Variants in PRKACB observed in about 807,000 individuals in gnomAD.
PRKACB encodes protein kinase cAMP-activated catalytic subunit beta, also known as cAMP-dependent protein kinase catalytic subunit beta.
In PRKACB, 16 loss-of-function variants were observed where a neutral mutation model predicts 51.4. The ratio of observed to expected loss-of-function variants is 0.31; its 90% CI spans 0.21 to 0.47. The LOEUF is 0.47. Ranked by LOEUF, PRKACB falls within the 20% of genes least tolerant of loss-of-function variation. PRKACB has a pLI of 1.00. For synonymous variants in PRKACB, 147 were observed against 154.4 expected, an observed-to-expected ratio of 0.95 and a Z score of 0.35; for missense variants, 309 against 464.5, an observed-to-expected ratio of 0.67 and a Z score of 3.08.
At chr1:84,205,086 A>G (rs578251632) in intron 8 of PRKACB, 119 of 981,952 alleles carry the variant, frequency 1.2e-4, no homozygotes, top group Admixed American at 2.5e-4. Flanking sequence ...TAGAAATATG[A>G]CAGGATATTT....
intron 1 of PRKACB, chr1:84,175,762 G>A: frequency 6.5e-7 from 1 of 1,544,812 alleles, no homozygotes; most frequent in Admixed American, 2.1e-5. Context: ...GAATGTGGGT[G>A]AATGTTCCTG....
At chr1:84,176,604 G>GA (rs66916276) in intron 1 of PRKACB, among the ~76,000 whole-genome samples, 6 of 150,990 alleles carry the variant, frequency 4.0e-5, no homozygotes, top group African/African-American at 7.3e-5. Flanking sequence ...ATTTTTATAT[G>GA]AAAAAAAATG....
intron 1 of PRKACB, among the ~76,000 whole-genome samples, chr1:84,163,357 T>A (rs1656498975): frequency 6.6e-6 from 1 of 152,098 alleles, no homozygotes; most frequent in Non-Finnish European, 1.5e-5. Flanking sequence ...TACCCCATGC[T>A]ATGTTTCTTG....
intron 9 of PRKACB, among the ~76,000 whole-genome samples, chr1:84,214,676 G>A (rs1005755555): frequency 2.6e-5 from 4 of 151,836 alleles, no homozygotes; most frequent in Non-Finnish European, 4.4e-5. Context: ...TGTATTTTTA[G>A]TAGAGACAGG....
At chr1:84,229,134 A>C (rs1284188044) in intron 9 of PRKACB, among the ~76,000 whole-genome samples, 2 of 139,386 alleles carry the variant, frequency 1.4e-5, no homozygotes, top group African/African-American at 2.8e-5. Flanking sequence ...TCCTGTGTCC[A>C]TGTGTTCTCA....
chr1:84,147,119 G>A (rs1232014141), intron 1 of PRKACB, among the ~76,000 whole-genome samples: 1 of 151,992 alleles, frequency 6.6e-6, no homozygotes, highest in Non-Finnish European at 1.5e-5. Flanking sequence ...TCTAACTACA[G>A]TATTTTAAGA....
chr1:84,103,137 A>G (rs534192311), intron 1 of PRKACB, among the ~76,000 whole-genome samples: 1 of 152,188 alleles, frequency 6.6e-6, no homozygotes, highest in Non-Finnish European at 1.5e-5. Context: ...AGTAAAGTAT[A>G]TTTTGAAAAT....
At chr1:84,165,152 A>AAT in intron 1 of PRKACB, 1 of 631,468 alleles carries the variant, frequency 1.6e-6, no homozygotes, top group Non-Finnish European at 2.5e-6. Flanking sequence ...GTACTTAGGC[A>AAT]TTATAGTAAA....
Position 84,235,267 on chromosome 1 carries a change from A to C in PRKACB, c.1159A>C (p.Ile387Leu). The C allele has an allele frequency of 6.2e-7, 1 of 1,614,168 alleles. No individual in the cohort carries two copies. Among genetic ancestry groups the C allele is most frequent in the Non-Finnish European group, 8.5e-7 (1 of 1,179,996 alleles). ...DYEEEDIRVS[I>L]TEKCAKEFGE... ...TGAAGAAGAAGATATCCGTGTCTCT[A>C]TAACAGAAAAATGTGCAAAAGAATT... Residue 387 changes from isoleucine (I) to leucine (L), a missense_variant, in exon 10 of 10, where the codon ATA becomes CTA. Coordinates refer to ENST00000370685, the MANE Select transcript of PRKACB (RefSeq NM_182948.4).
At chr1:84,118,761 T>G (rs1321400572) in intron 1 of PRKACB, among the ~76,000 whole-genome samples, 1 of 152,080 alleles carries the variant, frequency 6.6e-6, no homozygotes, top group African/African-American at 2.4e-5. Flanking sequence ...CAGAGGGGAC[T>G]TAAGGATCAC....
At chr1:84,214,393 C>A in intron 9 of PRKACB, 76 bp downstream of exon 9, 1 of 1,317,712 alleles carries the variant, frequency 7.6e-7, no homozygotes, top group Non-Finnish European at 1.0e-6. Context: ...ATATTTTCAA[C>A]TTAACACATA....
chr1:84,125,608 C>T (rs1041746414), intron 1 of PRKACB, among the ~76,000 whole-genome samples: 29 of 152,136 alleles, frequency 1.9e-4, no homozygotes, highest in African/African-American at 5.8e-4. Context: ...AGAGAGCCTA[C>T]GACCTTTGGT....
chr1:84,078,091 A>T (rs987231326), upstream of PRKACB: 4 of 405,398 alleles, frequency 9.9e-6, no homozygotes, highest in African/African-American at 6.5e-5. Context: ...TGCTGCTGCC[A>T]CCGCCGTCGC....
intron 9 of PRKACB, among the ~76,000 whole-genome samples, chr1:84,232,979 T>C (rs1675987809): frequency 6.6e-6 from 1 of 152,088 alleles, no homozygotes; most frequent in South Asian, 2.1e-4. Flanking sequence ...GTTATTTTGC[T>C]CGTTAGTTGA....
intron 7 of PRKACB, among the ~76,000 whole-genome samples, chr1:84,199,051 ATATATATGCG>A (rs1313744946): frequency 1.9e-5 from 1 of 53,388 alleles, no homozygotes; most frequent in African/African-American, 3.8e-5. Flanking sequence ...ATGTATGCAT[ATATATATGCG>A]TATATATGCA....
chr1:84,173,099 T>C (rs1252120920), intron 1 of PRKACB, among the ~76,000 whole-genome samples: 2 of 151,684 alleles, frequency 1.3e-5, no homozygotes, highest in Admixed American at 1.3e-4. Context: ...GGACAGAAGA[T>C]GATAATTTAT....
intron 9 of PRKACB, among the ~76,000 whole-genome samples, chr1:84,230,401 G>A (rs1675421574): frequency 6.6e-6 from 1 of 152,172 alleles, no homozygotes; most frequent in Non-Finnish European, 1.5e-5. Context: ...GCTTAGGATT[G>A]ATTTGGCGAT....
chr1:84,198,555 C>CATT (rs1668846238), intron 7 of PRKACB, among the ~76,000 whole-genome samples: 1 of 151,988 alleles, frequency 6.6e-6, no homozygotes, highest in South Asian at 2.1e-4. Flanking sequence ...ACTTTTCTCT[C>CATT]ATTATCTTTC....
chr1:84,210,737 T>A (rs529236626), intron 8 of PRKACB, among the ~76,000 whole-genome samples: 1 of 152,322 alleles, frequency 6.6e-6, no homozygotes, highest in South Asian at 2.1e-4. Flanking sequence ...AAATCTTTAG[T>A]GTCTCCAGGT....
Sources: allele counts gnomAD v4.1 joint callset (sites outside exome capture counted in the v4.1 genomes callset), GRCh38; gene constraint gnomAD v4.1.1; transcripts MANE v1.5; gene names NCBI Gene and HGNC (gene_info 2026-07-23, HGNC 2026-07-21).